TRAPPC9: variants seen among roughly 807,000 people sequenced by gnomAD.
The protein encoded by TRAPPC9 is IKK2 binding protein.
In TRAPPC9, 83 loss-of-function variants were observed where a neutral mutation model predicts 124.0. The observed-to-expected ratio is 0.67, with a 90% CI of 0.56 to 0.80. TRAPPC9 has a LOEUF of 0.80. Ranked by LOEUF, TRAPPC9 falls within the 30% of genes least tolerant of loss-of-function variation. The pLI is 0.00. For missense variants in TRAPPC9, 1,302 were observed against 1,508.3 expected, an observed-to-expected ratio of 0.86 and a Z score of 2.27; for synonymous variants, 638 against 617.5, an observed-to-expected ratio of 1.03 and a Z score of -0.49.
chr8:139,850,386 A>G (rs1827365753), intron 21 of TRAPPC9, among the ~76,000 whole-genome samples: 1 of 152,210 alleles, frequency 6.6e-6, no homozygotes. Flanking sequence ...CTTTCCAGAT[A>G]GCCCAAAGCA....
At chr8:140,456,795 A>G in intron 1 of TRAPPC9, 2 of 985,454 alleles carry the variant, frequency 2.0e-6, no homozygotes, top group Non-Finnish European at 2.4e-6. Flanking sequence ...TCACTCCCCC[A>G]TACCTTTCAA....
At chr8:140,125,216 G>A (rs547733898) in intron 17 of TRAPPC9, among the ~76,000 whole-genome samples, 2 of 152,326 alleles carry the variant, frequency 1.3e-5, no homozygotes, top group South Asian at 4.1e-4. Context: ...GCCTCCCTAA[G>A]GGCCTCAAAG....
intron 19 of TRAPPC9, among the ~76,000 whole-genome samples, chr8:139,959,030 G>A (rs905308138): frequency 1.8e-4 from 27 of 151,296 alleles, no homozygotes; most frequent in African/African-American, 5.1e-4. Flanking sequence ...TGCATTCCGA[G>A]TCACACGGGG....
In TRAPPC9 at chr8:140,290,895, C is replaced by T; in HGVS notation, c.1854+98G>A. The T allele has an allele frequency of 3.2e-6, 3 of 938,936 alleles. No individual in the cohort carries two copies. In the South Asian group the frequency reaches 4.0e-5, roughly 13 times the overall value. The allele number at this position is 938,936 out of a possible 1,614,324, so 58.2% of individuals were successfully genotyped here. A position where few individuals can be genotyped will look rare whatever the true frequency, so the allele number is the denominator to read the frequency against. On this transcript the variant is annotated intron_variant, in intron 12 of 22. Transcript: ENST00000438773. The stretch of plus-strand genomic sequence containing the variant: ...GGCAAAACAAACATAAAAACAGACA[C>T]ATATCGTAAGATGTGTGCCTCAGAC...
chr8:139,996,282 A>AC, intron 18 of TRAPPC9, among the ~76,000 whole-genome samples: 1 of 151,544 alleles, frequency 6.6e-6, no homozygotes. Context: ...AGATAAACAA[A>AC]ATTACCATTG....
intron 19 of TRAPPC9, among the ~76,000 whole-genome samples, chr8:139,979,665 T>G (rs1295318150): frequency 6.6e-6 from 1 of 152,014 alleles, no homozygotes; most frequent in East Asian, 1.9e-4. Context: ...AGGGAGAATC[T>G]GAGGTGGAAA....
At chr8:140,443,337 G>A (rs976847704) in intron 2 of TRAPPC9, among the ~76,000 whole-genome samples, 35 of 151,874 alleles carry the variant, frequency 2.3e-4, no homozygotes, top group African/African-American at 6.8e-4. Flanking sequence ...TCAGGAGGCT[G>A]AGGCAGGAGA....
chr8:140,114,390 G>A (rs189106005), intron 17 of TRAPPC9, among the ~76,000 whole-genome samples: 13 of 150,392 alleles, frequency 8.6e-5, no homozygotes, highest in South Asian at 2.1e-4. Flanking sequence ...AACTGCTGAC[G>A]TTGCAAAAGA....
rs2129907543 is a variant in TRAPPC9, at chr8:139,729,969, C to T, written c.*1092G>A. The stretch of plus-strand genomic sequence containing the variant: ...AGGGTCAACACAGCCAGAAGCCTGC[C>T]CCCAGAACAGGACTCTTGTGGGTAG... On this transcript the variant is annotated 3_prime_UTR_variant, in exon 23 of 23. Coordinates refer to ENST00000438773, the MANE Select transcript of TRAPPC9 (RefSeq NM_001160372.4). Among the ~76,000 whole-genome samples, 3 of 152,256 alleles carry T rather than the reference C, an allele frequency of 2.0e-5. No individual in the cohort carries two copies. The Middle Eastern group carries it at 0.01, about 518-fold the overall frequency.
chr8:140,403,137 T>G (rs1314268515), intron 6 of TRAPPC9, among the ~76,000 whole-genome samples: 1 of 152,116 alleles, frequency 6.6e-6, no homozygotes, highest in Admixed American at 6.5e-5. Flanking sequence ...TAAGAAAGTA[T>G]TTCTAAGCAG....
At chr8:140,443,435 C>CA (rs77804343) in intron 2 of TRAPPC9, among the ~76,000 whole-genome samples, 2,074 of 130,860 alleles carry the variant, frequency 0.016, 21 homozygotes, top group African/African-American at 0.026. Context: ...GACTCCATCT[C>CA]AAAAAAAAAA....
intron 17 of TRAPPC9, among the ~76,000 whole-genome samples, chr8:140,219,947 C>T (rs1373674449): frequency 2.2e-4 from 33 of 152,196 alleles, no homozygotes; most frequent in Admixed American, 1.5e-3. Flanking sequence ...TGGTGGAAGG[C>T]CTGCTGAACT....
intron 21 of TRAPPC9, among the ~76,000 whole-genome samples, chr8:139,748,313 T>TG (rs768547003): frequency 7.1e-4 from 34 of 47,934 alleles, no homozygotes; most frequent in African/African-American, 3.6e-3. Flanking sequence ...TCAGAGCAGG[T>TG]GGGAGGTGTG....
chr8:140,148,637 C>T (rs2061496229), intron 17 of TRAPPC9, among the ~76,000 whole-genome samples: 1 of 152,206 alleles, frequency 6.6e-6, no homozygotes, highest in Non-Finnish European at 1.5e-5. Flanking sequence ...CCCACTCACC[C>T]TGACCCTATG....
At chr8:139,920,076 T>C (rs182810651) in intron 19 of TRAPPC9, among the ~76,000 whole-genome samples, 281 of 152,378 alleles carry the variant, frequency 1.8e-3, no homozygotes, top group African/African-American at 6.6e-3. Context: ...TGGGGCGCGG[T>C]GGCTCACGCC....
chr8:139,879,219 G>A (rs1829528387), intron 21 of TRAPPC9, among the ~76,000 whole-genome samples: 1 of 152,226 alleles, frequency 6.6e-6, no homozygotes, highest in African/African-American at 2.4e-5. Context: ...AGGTCATGGG[G>A]GGTGGGGCGC....
chr8:140,270,839 G>T (rs575980387), intron 15 of TRAPPC9, among the ~76,000 whole-genome samples: 1 of 152,228 alleles, frequency 6.6e-6, no homozygotes, highest in Non-Finnish European at 1.5e-5. Flanking sequence ...AAGAGGAGAG[G>T]TGGCCATAGA....
At chr8:139,951,240 G>A (rs963526734) in intron 19 of TRAPPC9, among the ~76,000 whole-genome samples, 5 of 152,210 alleles carry the variant, frequency 3.3e-5, no homozygotes, top group East Asian at 1.9e-4. Context: ...AGGCCCCACC[G>A]TTCTCTTCGA....
intron 19 of TRAPPC9, among the ~76,000 whole-genome samples, chr8:139,976,951 A>G (rs1836517665): frequency 6.6e-6 from 1 of 152,110 alleles, no homozygotes; most frequent in African/African-American, 2.4e-5. Flanking sequence ...GAAGTTTCCA[A>G]TCCTGCAGGG....
Sources: gnomAD v4.1 joint callset for allele counts (sites outside exome capture counted in the v4.1 genomes callset) on GRCh38, gnomAD v4.1.1 for gene constraint, MANE v1.5 for transcripts, NCBI Gene and HGNC (gene_info 2026-07-23, HGNC 2026-07-21) for gene names.